The following SELENOF variants were observed in gnomAD, a reference collection of about 807,000 sequenced individuals.
SELENOF encodes the protein selenoprotein F, also known as 15 kDa selenoprotein.
A neutral mutation model predicts 20.5 loss-of-function variants in SELENOF; 16 were observed. The observed-to-expected ratio is 0.78, with a 90% CI of 0.53 to 1.19. The LOEUF (loss-of-function observed/expected upper bound fraction) is 1.19, where lower values mean the gene tolerates loss of function less well. Among genes scored for constraint, SELENOF ranks in the 50% most tolerant of loss-of-function variants. The pLI, the probability that SELENOF is intolerant of heterozygous loss-of-function variation, is 0.00. For synonymous variants in SELENOF, 78 were observed against 74.5 expected (o/e 1.05, Z -0.24); for missense variants, 215 against 194.2 (o/e 1.11, Z -0.64).
Position 86,880,043 on chromosome 1 carries a change from C to T in SELENOF, c.316+619G>A, listed in dbSNP as rs548938320. Among the ~76,000 whole-genome samples the T allele has an allele frequency of 2.7e-4, 35 of 128,440 alleles. 1 individual carries two copies. Among genetic ancestry groups the T allele is most frequent in the Non-Finnish European group, 4.3e-4 (27 of 63,196 alleles). 84.3% of individuals were successfully genotyped at this position (128,440 alleles called of 152,430 possible). A position where few individuals can be genotyped will look rare whatever the true frequency, so the allele number is the denominator to read the frequency against. Reference sequence around the variant, plus strand: ...CTACTTAAAGAAATTACACTTACATCTTGGAAAGGCTCCTGCAAAATTCCC... The same window carrying T: ...CTACTTAAAGAAATTACACTTACATTTTGGAAAGGCTCCTGCAAAATTCCC... On this transcript the variant is annotated intron_variant, in intron 3 of 4. Transcript: ENST00000331835.
intron 4 of SELENOF, among the ~76,000 whole-genome samples, chr1:86,866,121 T>G (rs1658583836): frequency 6.7e-6 from 1 of 149,760 alleles, no homozygotes. Context: ...TGCTTGAGCC[T>G]TAGAGGGTGA....
At chr1:86,880,873 T>C (rs1349653614) in intron 2 of SELENOF, 148 bp from the exon 3 acceptor site, 6 of 479,610 alleles carry the variant, frequency 1.3e-5, no homozygotes, top group African/African-American at 2.0e-5. Context: ...GACAGGACCA[T>C]GTAGTTCCAG....
At chr1:86,871,756 A>T (rs1658775263) in intron 3 of SELENOF, among the ~76,000 whole-genome samples, 1 of 152,212 alleles carries the variant, frequency 6.6e-6, no homozygotes, top group African/African-American at 2.4e-5. Flanking sequence ...TATAAGCAAA[A>T]TAACGATGGT....
At chr1:86,871,071 GT>G (rs1218085139) in intron 3 of SELENOF, among the ~76,000 whole-genome samples, 2 of 151,822 alleles carry the variant, frequency 1.3e-5, no homozygotes, top group Non-Finnish European at 2.9e-5. Flanking sequence ...TTGAATATCT[GT>G]TAAATACCTT....
At chr1:86,896,784 A>G (rs1659537326) in intron 2 of SELENOF, among the ~76,000 whole-genome samples, 1 of 152,226 alleles carries the variant, frequency 6.6e-6, no homozygotes, top group East Asian at 1.9e-4. Context: ...CAACATGGAG[A>G]CAAGTTTCCT....
chr1:86,887,932 T>C (rs1450244930), intron 2 of SELENOF, among the ~76,000 whole-genome samples: 1 of 152,104 alleles, frequency 6.6e-6, no homozygotes, highest in Non-Finnish European at 1.5e-5. Flanking sequence ...GACCACTATA[T>C]TTTCTGAGAT....
At chr1:86,904,661 ATTATCT>A (rs1659786198) in intron 1 of SELENOF, among the ~76,000 whole-genome samples, 1 of 151,992 alleles carries the variant, frequency 6.6e-6, no homozygotes, top group Admixed American at 6.6e-5. Context: ...CTTGGTTTCT[ATTATCT>A]TTATTTTTTC....
intron 2 of SELENOF, among the ~76,000 whole-genome samples, chr1:86,894,064 A>C (rs1659457227): frequency 6.6e-6 from 1 of 152,232 alleles, no homozygotes; most frequent in Non-Finnish European, 1.5e-5. Flanking sequence ...TTTGCCAGAA[A>C]AAGTAATGGC....
At chr1:86,900,207 C>G (rs1417891808) in intron 2 of SELENOF, among the ~76,000 whole-genome samples, 1 of 151,944 alleles carries the variant, frequency 6.6e-6, no homozygotes, top group African/African-American at 2.4e-5. Context: ...AGAGGCTGCA[C>G]TCTGGGCACT....
chr1:86,888,548 A>C (rs906042894), intron 2 of SELENOF, among the ~76,000 whole-genome samples: 1 of 152,220 alleles, frequency 6.6e-6, no homozygotes, highest in African/African-American at 2.4e-5. Flanking sequence ...TGTTAGGATT[A>C]CAGGTGTGAG....
chr1:86,882,205 C>T (rs899271783), intron 2 of SELENOF, among the ~76,000 whole-genome samples: 4 of 140,138 alleles, frequency 2.9e-5, no homozygotes, highest in African/African-American at 8.2e-5. Flanking sequence ...GCCGAGATCA[C>T]GCCACTGCAC....
chr1:86,870,066 A>G (rs988686512), intron 3 of SELENOF, among the ~76,000 whole-genome samples: 10 of 152,138 alleles, frequency 6.6e-5, no homozygotes, highest in Admixed American at 1.3e-4. Context: ...AGCCACTGTA[A>G]TACATTTTTC....
intron 2 of SELENOF, among the ~76,000 whole-genome samples, chr1:86,889,565 G>A (rs1036353694): frequency 6.6e-6 from 1 of 152,180 alleles, no homozygotes; most frequent in Non-Finnish European, 1.5e-5. Context: ...CTGCACTCCA[G>A]TCTGGGCGAC....
chr1:86,884,410 T>C (rs769310953), intron 2 of SELENOF, among the ~76,000 whole-genome samples: 8 of 149,846 alleles, frequency 5.3e-5, no homozygotes, highest in South Asian at 2.1e-4. Flanking sequence ...CGCACACACA[T>C]ATATATATAT....
At chr1:86,895,635 C>T (rs993968947) in intron 2 of SELENOF, among the ~76,000 whole-genome samples, 4 of 152,146 alleles carry the variant, frequency 2.6e-5, no homozygotes, top group Admixed American at 2.6e-4. Context: ...CTATCTTAAC[C>T]ATTAGTCTAA....
intron 2 of SELENOF, chr1:86,887,269 C>G (rs2102098371): frequency 6.9e-7 from 1 of 1,458,518 alleles, no homozygotes; most frequent in Non-Finnish European, 9.1e-7. Context: ...TTCTCCAATA[C>G]TATATCTGAG....
At chr1:86,882,066 T>C (rs1319134324) in intron 2 of SELENOF, among the ~76,000 whole-genome samples, 1 of 151,606 alleles carries the variant, frequency 6.6e-6, no homozygotes, top group Admixed American at 6.6e-5. Flanking sequence ...ACCCCGTCAC[T>C]ACTAAAAATA....
At chr1:86,878,120 A>G (rs1007417294) in intron 3 of SELENOF, among the ~76,000 whole-genome samples, 1 of 152,218 alleles carries the variant, frequency 6.6e-6, no homozygotes, top group African/African-American at 2.4e-5. Context: ...AATAAGGAAA[A>G]AAAGGTATTT....
intron 3 of SELENOF, among the ~76,000 whole-genome samples, chr1:86,869,740 CT>C (rs976939456): frequency 2.7e-5 from 4 of 149,610 alleles, no homozygotes; most frequent in African/African-American, 7.4e-5. Context: ...TCTTTCTTTT[CT>C]TTTCTTTCTT....
Sources: allele counts gnomAD v4.1 joint callset (sites outside exome capture counted in the v4.1 genomes callset), GRCh38; gene constraint gnomAD v4.1.1; transcripts MANE v1.5; gene names NCBI Gene and HGNC (gene_info 2026-07-23, HGNC 2026-07-21).